Variants in PTBP3 observed in about 807,000 individuals in gnomAD.
PTBP3 encodes polypyrimidine tract-binding protein 3.
Under a neutral mutation model 58.7 loss-of-function variants are expected in PTBP3, and 20 were observed. The observed-to-expected ratio is 0.34, with a 90% CI of 0.24 to 0.50. PTBP3 has a LOEUF of 0.50. Ranked by LOEUF, PTBP3 falls within the 20% of genes least tolerant of loss-of-function variation. PTBP3 has a pLI of 0.98. For synonymous variants in PTBP3, 185 were observed against 219.8 expected (o/e 0.84, Z 1.40); for missense variants, 509 against 637.2 (o/e 0.80, Z 2.17).
At chr9:112,236,742 G>A (rs900933083) in intron 7 of PTBP3, among the ~76,000 whole-genome samples, 1 of 152,114 alleles carries the variant, frequency 6.6e-6, no homozygotes, top group Admixed American at 6.6e-5. Context: ...TGGTGGAAAT[G>A]ACACATGTTC....
chr9:112,340,805 G>A, the PTBP3 span, among the ~76,000 whole-genome samples: 5 of 152,076 alleles, frequency 3.3e-5, no homozygotes, highest in African/African-American at 9.7e-5. Context: ...GAACCCGGGA[G>A]GCGGAGGTTG....
chr9:112,305,541 T>G (rs914432821), intron 1 of PTBP3, among the ~76,000 whole-genome samples: 1 of 152,182 alleles, frequency 6.6e-6, no homozygotes, highest in Admixed American at 6.5e-5. Context: ...GGGGAAGTAA[T>G]GTGTCCACTC....
Position 112,221,995 on chromosome 9 carries a change from C to T in PTBP3, c.*1856G>A. The T allele has an allele frequency of 1.1e-6, 1 of 916,096 alleles. No individual in the cohort carries two copies. The highest frequency in any genetic ancestry group is 1.3e-6 in the Non-Finnish European group (1 of 766,610). 56.7% of individuals were successfully genotyped at this position (916,096 alleles called of 1,614,324 possible). A position where few individuals can be genotyped will look rare whatever the true frequency, so the allele number is the denominator to read the frequency against. On this transcript the variant is annotated 3_prime_UTR_variant, in exon 14 of 14. Transcript: ENST00000374257. Reference sequence around the variant, plus strand: ...CAAATGTGATCATAGCGCACTGCAGCCTTGAACTCCTGGGCTCAAGTGATC... The same window carrying T: ...CAAATGTGATCATAGCGCACTGCAGTCTTGAACTCCTGGGCTCAAGTGATC...
intron 1 of PTBP3, among the ~76,000 whole-genome samples, chr9:112,329,092 C>T (rs1270401270): frequency 1.3e-5 from 2 of 152,134 alleles, no homozygotes; most frequent in African/African-American, 4.8e-5. Context: ...CAGATGAGCA[C>T]TGTTTACTTA....
At chr9:112,376,245 T>C in the PTBP3 span, among the ~76,000 whole-genome samples, 1 of 119,882 alleles carries the variant, frequency 8.3e-6, no homozygotes, top group African/African-American at 3.3e-5. Context: ...GTAGGGGAGT[T>C]TATTAAGTTT....
At chr9:112,281,751 G>C (rs574202726) in intron 2 of PTBP3, among the ~76,000 whole-genome samples, 21 of 152,214 alleles carry the variant, frequency 1.4e-4, no homozygotes, top group African/African-American at 5.1e-4. Flanking sequence ...TATTGCTTTT[G>C]TATCAGTTTG....
intron 1 of PTBP3, among the ~76,000 whole-genome samples, chr9:112,321,895 G>T (rs1261465971): frequency 6.6e-6 from 1 of 152,032 alleles, no homozygotes; most frequent in Non-Finnish European, 1.5e-5. Context: ...CAGCACTTTG[G>T]GAGGCCAAGG....
rs1204235379 is a variant in PTBP3 at position 112,222,753 on chromosome 9, TTTAGA to T, written c.*1093_*1097del. ...AGCCCACAATATAGCTTTCAAGATA[TTTAGA>T]TTAAACTCTAACCTATTGTATCTTA... On this transcript the variant is annotated 3_prime_UTR_variant, in exon 14 of 14. Transcript: ENST00000374257. 11 of 966,362 alleles carry T rather than the reference TTTAGA, an allele frequency of 1.1e-5. No individual in the cohort carries two copies. Among genetic ancestry groups the T allele is most frequent in the Non-Finnish European group, 1.4e-5 (11 of 812,312 alleles). 59.9% of individuals were successfully genotyped at this position (966,362 alleles called of 1,614,324 possible).
At chr9:112,251,233 G>T in intron 6 of PTBP3, 130 bp from the exon 7 acceptor site, 1 of 622,860 alleles carries the variant, frequency 1.6e-6, no homozygotes. Context: ...AAAGTCTTGG[G>T]TTTACTTTTA....
At chr9:112,265,259 T>C (rs1394795156) in intron 4 of PTBP3, among the ~76,000 whole-genome samples, 2 of 151,858 alleles carry the variant, frequency 1.3e-5, no homozygotes, top group South Asian at 2.1e-4. Flanking sequence ...TCCTAGCACT[T>C]TGGGAGACAG....
At chr9:112,313,587 A>C (rs1254886361) in intron 1 of PTBP3, among the ~76,000 whole-genome samples, 1 of 152,210 alleles carries the variant, frequency 6.6e-6, no homozygotes, top group Non-Finnish European at 1.5e-5. Flanking sequence ...CTCAAGGCTT[A>C]ACAGAACACA....
intron 1 of PTBP3, among the ~76,000 whole-genome samples, chr9:112,317,857 C>T (rs557438329): frequency 1.3e-5 from 2 of 151,274 alleles, no homozygotes; most frequent in African/African-American, 2.4e-5. Context: ...GCAGGAGAAT[C>T]GCTTGAACCC....
In PTBP3 at chr9:112,222,741, G is replaced by C; in HGVS notation, c.*1110C>G. 1.0e-6 allele frequency: 1 copy of C among 971,604 alleles called. No individual in the cohort carries two copies. The highest frequency in any genetic ancestry group is 1.2e-6 in the Non-Finnish European group (1 of 817,138). 60.2% of individuals were successfully genotyped at this position (971,604 alleles called of 1,614,324 possible). A position where few individuals can be genotyped will look rare whatever the true frequency, so the allele number is the denominator to read the frequency against. On this transcript the variant is annotated 3_prime_UTR_variant, in exon 14 of 14. Transcript: ENST00000374257. ...AAATGCTTACCAAGCCCACAATATA[G>C]CTTTCAAGATATTTAGATTAAACTC...
chr9:112,225,710 C>CTA (rs1834961084), intron 12 of PTBP3, among the ~76,000 whole-genome samples: 1 of 152,072 alleles, frequency 6.6e-6, no homozygotes, highest in Non-Finnish European at 1.5e-5. Context: ...CCTACATGTC[C>CTA]TATGTAGGTT....
intron 5 of PTBP3, among the ~76,000 whole-genome samples, chr9:112,253,829 T>C (rs1322816898): frequency 6.6e-6 from 1 of 152,194 alleles, no homozygotes; most frequent in Non-Finnish European, 1.5e-5. Context: ...ACTGTAAGTT[T>C]CCTGAAGCCT....
Position 112,244,829 on chromosome 9 carries a change from C to CT in PTBP3, c.802+6099dup, listed in dbSNP as rs574409288. On this transcript the variant is annotated intron_variant, in intron 7 of 13. Transcript: ENST00000374257. ...AAAACCCCAATAGCTACTGCTGCTGCTTTTTTTTTTGGAACTCAACAAGCT... is the reference window on the plus strand; with the variant it reads ...AAAACCCCAATAGCTACTGCTGCTGCTTTTTTTTTTTGGAACTCAACAAGCT... 4.0e-3 allele frequency among the ~76,000 whole-genome samples: 592 copies of CT among 148,430 alleles called. 12 individuals carry two copies. The East Asian group carries it at 0.054, about 14-fold the overall frequency.
chr9:112,245,954 C>T (rs1835859058), intron 7 of PTBP3, among the ~76,000 whole-genome samples: 1 of 152,054 alleles, frequency 6.6e-6, no homozygotes, highest in Admixed American at 6.5e-5. Context: ...GCTGGGATTA[C>T]AGGTGTGAGC....
the PTBP3 span, among the ~76,000 whole-genome samples, chr9:112,360,618 T>G: frequency 6.6e-6 from 1 of 152,220 alleles, no homozygotes; most frequent in South Asian, 2.1e-4. Flanking sequence ...TATATTGTTG[T>G]TGGCCTCTGA....
At chr9:112,357,946 C>T in the PTBP3 span, among the ~76,000 whole-genome samples, 55 of 152,032 alleles carry the variant, frequency 3.6e-4, no homozygotes, top group African/African-American at 1.2e-3. Context: ...TACTTAATGC[C>T]GTTGAACTGT....
Sources: gnomAD v4.1 joint callset for allele counts (sites outside exome capture counted in the v4.1 genomes callset) on GRCh38, gnomAD v4.1.1 for gene constraint, MANE v1.5 for transcripts, NCBI Gene and HGNC (gene_info 2026-07-23, HGNC 2026-07-21) for gene names.